The following CPNE3 variants were observed in gnomAD, a reference collection of about 807,000 sequenced individuals.
CPNE3 encodes copine 3.
In CPNE3, 68 loss-of-function variants were observed where a neutral mutation model predicts 63.9. The observed-to-expected ratio is 1.06, with a 90% confidence interval of 0.87 to 1.30. CPNE3 has a LOEUF of 1.30. Among genes scored for constraint, CPNE3 ranks in the 50% most tolerant of loss-of-function variants. The pLI is 0.00. For missense variants in CPNE3, 665 were observed against 578.1 expected (o/e 1.15, Z -1.54); for synonymous variants, 219 against 197.5 (o/e 1.11, Z -0.91).
chr8:86,515,323 A>G lies in CPNE3; in HGVS notation c.-48-139A>G, dbSNP rs942778467. The G allele has an allele frequency of 2.0e-5, 3 of 152,232 alleles. No individual in the cohort carries two copies. In the East Asian group the frequency reaches 5.8e-4, roughly 29 times the overall value. The allele number at this position is 152,232 out of a possible 1,614,324, so 9.4% of individuals were successfully genotyped here. A position where few individuals can be genotyped will look rare whatever the true frequency, so the allele number is the denominator to read the frequency against. ...GGCCACCTCTATAATGGATAATCAA[A>G]TAGAGGGAAGGGCGGGATTGAATAT... On this transcript the variant is annotated intron_variant, in intron 1 of 16. Coordinates refer to ENST00000517490, the MANE Select transcript of CPNE3 (RefSeq NM_003909.5).
intron 3 of CPNE3, 106 bp from the exon 4 acceptor site, chr8:86,528,839 T>G: frequency 7.7e-7 from 1 of 1,305,198 alleles, no homozygotes; most frequent in Non-Finnish European, 1.0e-6. Context: ...ATATAGAAAC[T>G]TCCTTTAGTT....
At chr8:86,527,946 A>ATTTTTGTTTTTTTTTTTTTTTT (rs1820574334) in intron 2 of CPNE3, among the ~76,000 whole-genome samples, 1 of 85,928 alleles carries the variant, frequency 1.2e-5, no homozygotes, top group African/African-American at 5.7e-5. Context: ...GTAAAAAGAA[A>ATTTTTGTTTTTTTTTTTTTTTT]TTTTTTTTTT....
chr8:86,558,770 TG>T lies in CPNE3; in HGVS notation c.*361del. The T allele has an allele frequency of 4.1e-6, 1 of 246,004 alleles. No individual in the cohort carries two copies. Among genetic ancestry groups the T allele is most frequent in the South Asian group, 5.9e-5 (1 of 16,964 alleles). The allele number at this position is 246,004 out of a possible 1,614,324, so 15.2% of individuals were successfully genotyped here. A position where few individuals can be genotyped will look rare whatever the true frequency, so the allele number is the denominator to read the frequency against. ...GAAGAATGGAAAACTGTTGGGATGA[TG>T]TGGTTTGCAGGTTGCTGTGCCTGAT... On this transcript the variant is annotated 3_prime_UTR_variant, in exon 17 of 17. Transcript: ENST00000517490.
chr8:86,539,005 A>C (rs1820867727), intron 7 of CPNE3, among the ~76,000 whole-genome samples: 1 of 152,208 alleles, frequency 6.6e-6, no homozygotes. Flanking sequence ...TTATTGTATT[A>C]TGGGTAGTAA....
chr8:86,542,755 T>C lies in CPNE3; in HGVS notation c.634-1985T>C, dbSNP rs1178015876. On this transcript the variant is annotated intron_variant, in intron 8 of 16. Coordinates refer to ENST00000517490, the MANE Select transcript of CPNE3 (RefSeq NM_003909.5). ...TTACCTCATACCGTATCTGAACATA[T>C]GCCAGCATTATAAATATCATGTCTG... is the stretch of plus-strand genomic sequence containing the variant. Among the ~76,000 whole-genome samples the C allele has an allele frequency of 2.0e-5, 3 of 152,082 alleles. No homozygotes were observed. The East Asian group carries it at 5.8e-4, about 29-fold the overall frequency.
Position 86,554,911 on chromosome 8 carries a change from C to T in CPNE3, c.1181C>T (p.Pro394Leu). 6.2e-7 allele frequency: 1 copy of T among 1,613,988 alleles called. No individual in the cohort carries two copies. The change falls in exon 15 of 17, where the codon CCA (proline) becomes CTA (leucine). Residue 394 changes from proline to leucine, a missense_variant. Pro to Leu is a moderately conservative substitution (Grantham distance 98, BLOSUM62 -3). Coordinates refer to ENST00000517490, the MANE Select transcript of CPNE3 (RefSeq NM_003909.5). ...SCLPQIKLYG[P>L]TNFSPIINHV... ...CTTCCTCAGATAAAACTCTATGGAC[C>T]AACTAATTTTTCTCCAATCATAAAT...
At chr8:86,531,800 G>A (rs1820689783) in intron 5 of CPNE3, among the ~76,000 whole-genome samples, 1 of 152,148 alleles carries the variant, frequency 6.6e-6, no homozygotes, top group Non-Finnish European at 1.5e-5. Flanking sequence ...TGCCAAGCCT[G>A]TAAACCTTAT....
At chr8:86,549,484 A>G (rs1821124643) in intron 12 of CPNE3, among the ~76,000 whole-genome samples, 2 of 152,194 alleles carry the variant, frequency 1.3e-5, no homozygotes, top group South Asian at 4.1e-4. Flanking sequence ...AAATAGACCC[A>G]TGCATATAAG....
intron 2 of CPNE3, among the ~76,000 whole-genome samples, chr8:86,516,278 G>T (rs979524811): frequency 6.6e-6 from 1 of 152,170 alleles, no homozygotes; most frequent in Non-Finnish European, 1.5e-5. Context: ...AGGGAGAGGA[G>T]GCTCCAGGAC....
intron 2 of CPNE3, among the ~76,000 whole-genome samples, chr8:86,520,781 T>A (rs1820420464): frequency 6.6e-6 from 1 of 151,356 alleles, no homozygotes; most frequent in South Asian, 2.1e-4. Flanking sequence ...GCCTCAGCCT[T>A]CCAGGTAGCT....
Position 86,558,302 on chromosome 8 carries a change from A to C in CPNE3, c.1506A>C (p.Ala502=), listed in dbSNP as rs143776065. ...FRQFQNAPKE[A]LAQCVLAEIP... ...TTTTTCACAAGGCTCCAAAAGAAGC[A>C]CTTGCTCAGTGTGTCTTGGCAGAGA... Residue 502 remains alanine, a synonymous_variant, in exon 17 of 17, where the codon GCA becomes GCC. Coordinates refer to ENST00000517490, the MANE Select transcript of CPNE3 (RefSeq NM_003909.5). 1.1e-6 allele frequency: 1 copy of C among 872,870 alleles called. No individual in the cohort carries two copies. Among genetic ancestry groups the C allele is most frequent in the Non-Finnish European group, 2.0e-6 (1 of 501,676 alleles). 54.1% of individuals were successfully genotyped at this position (872,870 alleles called of 1,614,324 possible).
rs1363643335 is a variant in CPNE3 at position 86,558,455 on chromosome 8, T to C, written c.*45T>C. On this transcript the variant is annotated 3_prime_UTR_variant, in exon 17 of 17. Transcript: ENST00000517490. ...TTGTGTTATGTGGAGCAATGCCATC[T>C]CTCACCCCAAATCGTGTATCTGTCA... The C allele has an allele frequency of 1.1e-6, 1 of 871,324 alleles. No homozygotes were observed. The highest frequency in any genetic ancestry group is 1.3e-5 in the South Asian group (1 of 76,508). The allele number at this position is 871,324 out of a possible 1,614,324, so 54.0% of individuals were successfully genotyped here.
intron 2 of CPNE3, among the ~76,000 whole-genome samples, chr8:86,524,176 T>C (rs1323351036): frequency 6.6e-6 from 1 of 152,138 alleles, no homozygotes; most frequent in East Asian, 1.9e-4. Flanking sequence ...GGGGTTCTAG[T>C]AGGCAGAATC....
In CPNE3 at chr8:86,548,350, C is replaced by T; in HGVS notation, c.929C>T (p.Ser310Phe). Residue 310 changes from serine to phenylalanine, a missense_variant, in exon 12 of 17, where the codon TCC becomes TTC. Transcript: ENST00000517490. ...AATGGTGACCCAAGGTCTCCAGACT[C>T]CCTTCATTACATCAGCCCCAATGGC... is the stretch of plus-strand genomic sequence containing the variant. ...GSNGDPRSPD[S>F]LHYISPNGVN... 1 of 1,614,114 alleles carries T rather than the reference C, an allele frequency of 6.2e-7. No homozygotes were observed. Among genetic ancestry groups the T allele is most frequent in the East Asian group, 2.2e-5 (1 of 44,880 alleles).
intron 6 of CPNE3, among the ~76,000 whole-genome samples, chr8:86,534,454 G>A (rs1326299072): frequency 3.3e-5 from 5 of 152,116 alleles, no homozygotes; most frequent in Admixed American, 1.3e-4. Flanking sequence ...TCAGGAGTTT[G>A]AGATCAGCCT....
At chr8:86,526,211 G>C (rs1820537434) in intron 2 of CPNE3, among the ~76,000 whole-genome samples, 1 of 151,350 alleles carries the variant, frequency 6.6e-6, no homozygotes, top group Non-Finnish European at 1.5e-5. Flanking sequence ...CTGGACGACA[G>C]AGCAAGACTC....
intron 1 of CPNE3, 65 bp from the exon 2 acceptor site, chr8:86,515,397 T>A (rs939535047): frequency 6.6e-6 from 1 of 152,212 alleles, no homozygotes; most frequent in Non-Finnish European, 1.5e-5. Flanking sequence ...ACAGTTTTTA[T>A]ATGTTAGGTT....
At chr8:86,523,014 A>G (rs1476402953) in intron 2 of CPNE3, among the ~76,000 whole-genome samples, 2 of 152,222 alleles carry the variant, frequency 1.3e-5, no homozygotes, top group Non-Finnish European at 2.9e-5. Context: ...GAAGCTTTTC[A>G]TAAGTAAGGA....
intron 6 of CPNE3, among the ~76,000 whole-genome samples, chr8:86,534,176 T>C (rs1472207809): frequency 2.0e-5 from 3 of 152,342 alleles, no homozygotes; most frequent in Admixed American, 2.0e-4. Flanking sequence ...TGTTTCTCTC[T>C]CTACTTTTAT....
Sources: gnomAD v4.1 joint callset for allele counts (sites outside exome capture counted in the v4.1 genomes callset) on GRCh38, gnomAD v4.1.1 for gene constraint, MANE v1.5 for transcripts, NCBI Gene and HGNC (gene_info 2026-07-23, HGNC 2026-07-21) for gene names.